RRP15: variants seen among roughly 807,000 people sequenced by gnomAD.
RRP15 encodes RRP15-like protein.
Under a neutral mutation model 27.1 loss-of-function variants are expected in RRP15, and 18 were observed. That is an observed-to-expected ratio of 0.66 (90% CI 0.46 to 0.98). RRP15 has a LOEUF of 0.98. Among genes scored for constraint, RRP15 ranks in the 50% least tolerant of loss-of-function variants. The pLI is 0.00. For synonymous variants in RRP15, 107 were observed against 109.4 expected (o/e 0.98, Z 0.14); for missense variants, 359 against 337.8 (o/e 1.06, Z -0.49).
At chr1:218,288,694 A>G (rs539937483) in intron 1 of RRP15, among the ~76,000 whole-genome samples, 19 of 152,196 alleles carry the variant, frequency 1.2e-4, no homozygotes, top group Non-Finnish European at 2.4e-4. Context: ...AGTATCTGGA[A>G]AGTGAAAGCG....
intron 4 of RRP15, among the ~76,000 whole-genome samples, chr1:218,323,718 G>A (rs1656225723): frequency 6.6e-6 from 1 of 152,174 alleles, no homozygotes; most frequent in Non-Finnish European, 1.5e-5. Context: ...GCCCCACCTC[G>A]GCCTCCCTCT....
Position 218,331,515 on chromosome 1 carries a change from GTT to G in RRP15, c.*429_*430del, listed in dbSNP as rs1318616432. On this transcript the variant is annotated 3_prime_UTR_variant, in exon 5 of 5. Coordinates refer to ENST00000366932, the MANE Select transcript of RRP15 (RefSeq NM_016052.4). ...TCTGTAGTTTTTGGGAATGGTTGGT[GTT>G]TTTTGCTTTGTGTTGGGAAGTTATT... is the stretch of plus-strand genomic sequence containing the variant. 1.3e-5 allele frequency: 2 copies of G among 152,066 alleles called. No homozygotes were observed. Among genetic ancestry groups the G allele is most frequent in the Middle Eastern group, 3.4e-3 (1 of 294 alleles). 9.4% of individuals were successfully genotyped at this position (152,066 alleles called of 1,614,324 possible).
intron 1 of RRP15, among the ~76,000 whole-genome samples, chr1:218,291,528 CTTTTTTTTTTT>C (rs776529360): frequency 9.5e-6 from 1 of 104,938 alleles, no homozygotes; most frequent in South Asian, 3.3e-4. Context: ...TTGAATTTTC[CTTTTTTTTTTT>C]TTTTTTTTTT....
intron 4 of RRP15, among the ~76,000 whole-genome samples, chr1:218,325,034 C>T (rs146508819): frequency 1.9e-4 from 29 of 152,234 alleles, no homozygotes; most frequent in African/African-American, 6.5e-4. Flanking sequence ...TTTCTTTGAT[C>T]CTTGGAATTT....
chr1:218,304,131 G>A (rs905597600), intron 2 of RRP15, among the ~76,000 whole-genome samples: 3 of 152,104 alleles, frequency 2.0e-5, no homozygotes, highest in African/African-American at 7.2e-5. Flanking sequence ...CAAGAATTTG[G>A]TTTTACTGTG....
chr1:218,322,158 T>G (rs1656196334), intron 4 of RRP15, among the ~76,000 whole-genome samples: 1 of 152,176 alleles, frequency 6.6e-6, no homozygotes, highest in Non-Finnish European at 1.5e-5. Flanking sequence ...AACATGGGCT[T>G]TGGAATCAAA....
chr1:218,320,957 T>C (rs1656177705), intron 4 of RRP15, among the ~76,000 whole-genome samples: 1 of 152,172 alleles, frequency 6.6e-6, no homozygotes, highest in Non-Finnish European at 1.5e-5. Flanking sequence ...AATCAACTAT[T>C]GTTGATTACT....
At chr1:218,329,539 G>C (rs144782800) in intron 4 of RRP15, among the ~76,000 whole-genome samples, 1 of 152,114 alleles carries the variant, frequency 6.6e-6, no homozygotes, top group Non-Finnish European at 1.5e-5. Flanking sequence ...ATCTTCCTAC[G>C]TTATTGTTCT....
In RRP15 at chr1:218,309,746, CTTG is replaced by C. The variant is rs1655963670; in HGVS notation, c.705+2119_705+2121del. On this transcript the variant is annotated intron_variant, in intron 4 of 4. Coordinates refer to ENST00000366932, the MANE Select transcript of RRP15 (RefSeq NM_016052.4). ...GTGCCTGTTTCTACCAGGTGTTATC[CTTG>C]TTGTGTCCTTTAAAATCTTACAATT... 2.0e-5 allele frequency among the ~76,000 whole-genome samples: 3 copies of C among 150,240 alleles called. 1 individual carries two copies. The highest frequency in any genetic ancestry group is 4.9e-5 in the African/African-American group (2 of 40,802).
chr1:218,304,104 A>G (rs1350523522), intron 2 of RRP15, among the ~76,000 whole-genome samples: 2 of 152,202 alleles, frequency 1.3e-5, no homozygotes, highest in Non-Finnish European at 2.9e-5. Flanking sequence ...CTATCAGGCT[A>G]ATCTTTATAG....
Position 218,302,564 on chromosome 1 carries a change from G to T in RRP15, c.405+5G>T. ...AGACTAGAGAAAATAAAACAGGTAT[G>T]TTCCACCAGTTCTCTTGTAGATTAG... On this transcript the variant is annotated splice_donor_5th_base_variant and intron_variant, in intron 2 of 4. Transcript: ENST00000366932. 2 of 1,608,982 alleles carry T rather than the reference G, an allele frequency of 1.2e-6. No homozygotes were observed. Among genetic ancestry groups the T allele is most frequent in the Non-Finnish European group, 8.5e-7 (1 of 1,178,294 alleles).
chr1:218,301,523 T>C (rs1004776010), intron 1 of RRP15: 2 of 152,250 alleles, frequency 1.3e-5, no homozygotes, highest in African/African-American at 4.8e-5. Context: ...CCTCATCCAT[T>C]TGAATTTTAA....
Position 218,305,059 on chromosome 1 carries a change from G to A in RRP15, c.437G>A (p.Cys146Tyr). 2.5e-6 allele frequency: 4 copies of A among 1,613,840 alleles called. No individual in the cohort carries two copies. Among genetic ancestry groups the A allele is most frequent in the South Asian group, 1.1e-5 (1 of 91,074 alleles). ...AAGAGGCTGGAGTGGGAAATGATGTGCAGAGTAAAGCCAGATGTTGTCCAA... is the reference window on the plus strand; with the variant it reads ...AAGAGGCTGGAGTGGGAAATGATGTACAGAGTAAAGCCAGATGTTGTCCAA... ...RDKRLEWEMM[C>Y]RVKPDVVQDK... The change falls in exon 3 of 5, where the codon TGC (cysteine) becomes TAC (tyrosine). Residue 146 changes from cysteine to tyrosine, a missense_variant. Transcript: ENST00000366932.
chr1:218,324,657 G>A (rs375194672), intron 4 of RRP15, among the ~76,000 whole-genome samples: 3 of 152,306 alleles, frequency 2.0e-5, no homozygotes, highest in African/African-American at 7.2e-5. Flanking sequence ...TTAGTTTTCT[G>A]TTTTAGTAGG....
At position 218,332,149 on chromosome 1, in the gene RRP15, GTCTC is replaced by G. The variant is rs1179196228; in HGVS notation, c.*1064_*1067del. ...CAGGAAGCAAGTTTGACATGCTTTA[GTCTC>G]TCTCTTCTTTTTTTTCCTCCCAAAT... is the stretch of plus-strand genomic sequence containing the variant. On this transcript the variant is annotated 3_prime_UTR_variant, in exon 5 of 5. Coordinates refer to ENST00000366932, the MANE Select transcript of RRP15 (RefSeq NM_016052.4). 3 of 152,138 alleles carry G rather than the reference GTCTC, an allele frequency of 2.0e-5. No individual in the cohort carries two copies. The highest frequency in any genetic ancestry group is 4.4e-5 in the Non-Finnish European group (3 of 68,022). 9.4% of individuals were successfully genotyped at this position (152,138 alleles called of 1,614,324 possible). A position where few individuals can be genotyped will look rare whatever the true frequency, so the allele number is the denominator to read the frequency against.
At chr1:218,326,729 C>CTG (rs933450144) in intron 4 of RRP15, among the ~76,000 whole-genome samples, 6 of 152,058 alleles carry the variant, frequency 3.9e-5, no homozygotes, top group Admixed American at 6.5e-5. Context: ...TATCTGGTTG[C>CTG]TGTGTGTGTG....
chr1:218,322,482 C>G (rs1656201451), intron 4 of RRP15, among the ~76,000 whole-genome samples: 1 of 148,840 alleles, frequency 6.7e-6, no homozygotes, highest in African/African-American at 2.5e-5. Flanking sequence ...GCTTGGGAAA[C>G]TTAGGATTTG....
At chr1:218,289,631 TTTAA>T (rs1432214416) in intron 1 of RRP15, among the ~76,000 whole-genome samples, 1 of 152,200 alleles carries the variant, frequency 6.6e-6, no homozygotes, top group African/African-American at 2.4e-5. Flanking sequence ...ATCTATTTGG[TTTAA>T]TTAATCCATT....
chr1:218,293,028 A>T lies in RRP15; in HGVS notation c.139+7573A>T, dbSNP rs531742589. Among the ~76,000 whole-genome samples the T allele has an allele frequency of 2.4e-3, 344 of 141,942 alleles. 3 individuals carry two copies. Among genetic ancestry groups the T allele is most frequent in the African/African-American group, 8.3e-3 (322 of 39,010 alleles). 93.1% of individuals were successfully genotyped at this position (141,942 alleles called of 152,430 possible). A position where few individuals can be genotyped will look rare whatever the true frequency, so the allele number is the denominator to read the frequency against. ...TATTATTTTAAAACTTTTTTTTCTTATTTTTTTTTTTTTGAGACAGGGTCT... is the reference window on the plus strand; with the variant it reads ...TATTATTTTAAAACTTTTTTTTCTTTTTTTTTTTTTTTTGAGACAGGGTCT... On this transcript the variant is annotated intron_variant, in intron 1 of 4. Transcript: ENST00000366932.
Sources: gnomAD v4.1 joint callset for allele counts (sites outside exome capture counted in the v4.1 genomes callset) on GRCh38, gnomAD v4.1.1 for gene constraint, MANE v1.5 for transcripts, NCBI Gene and HGNC (gene_info 2026-07-23, HGNC 2026-07-21) for gene names.